The following SH3BGRL variants were observed in gnomAD, a reference collection of about 807,000 sequenced individuals.
SH3BGRL encodes SH3 domain binding glutamate rich protein like, also known as adapter SH3BGRL.
Under a neutral mutation model 9.8 loss-of-function variants are expected in SH3BGRL, and 7 were observed. The ratio of observed to expected loss-of-function variants is 0.72; its 90% CI spans 0.41 to 1.35. The LOEUF is 1.35. Ranked by LOEUF, SH3BGRL falls within the 40% of genes most tolerant of loss-of-function variation. The pLI is 0.01. For synonymous variants in SH3BGRL, 36 were observed against 29.1 expected, an observed-to-expected ratio of 1.24 and a Z score of -0.76; for missense variants, 73 against 84.4, an observed-to-expected ratio of 0.86 and a Z score of 0.53.
chrX:81,284,087 C>G (rs2075826662), intron 3 of SH3BGRL, among the ~76,000 whole-genome samples: 1 of 109,077 alleles, frequency 9.2e-6, no homozygotes, highest in Admixed American at 9.8e-5. Context: ...AAAAAAAACC[C>G]ACTTAGGAAT....
chrX:81,288,298 A>G (rs772927127), intron 3 of SH3BGRL, among the ~76,000 whole-genome samples: 55 of 112,235 alleles, frequency 4.9e-4, no homozygotes, highest in Non-Finnish European at 9.2e-4. Flanking sequence ...TCAACACAAT[A>G]AAAGCCATAT....
intron 3 of SH3BGRL, among the ~76,000 whole-genome samples, chrX:81,286,779 GGAGGAA>G (rs1569370999): frequency 9.0e-6 from 1 of 111,194 alleles, no homozygotes; most frequent in African/African-American, 3.3e-5. Flanking sequence ...TTGGGAATAC[GGAGGAA>G]GAGAACATTA....
intron 1 of SH3BGRL, among the ~76,000 whole-genome samples, chrX:81,220,628 TG>T (rs1308379450): frequency 1.8e-5 from 2 of 110,432 alleles, no homozygotes; most frequent in East Asian, 2.8e-4. Context: ...ATTTTTGATC[TG>T]CCCTTATTTA....
chrX:81,234,208 C>G (rs1002547587), intron 1 of SH3BGRL, among the ~76,000 whole-genome samples: 3 of 111,344 alleles, frequency 2.7e-5, no homozygotes, highest in Admixed American at 9.5e-5. Context: ...AAAGTAGATT[C>G]CAATTACAAA....
intron 3 of SH3BGRL, among the ~76,000 whole-genome samples, chrX:81,283,496 A>G (rs904550026): frequency 7.1e-5 from 8 of 112,105 alleles, no homozygotes; most frequent in Non-Finnish European, 1.5e-4. Context: ...CATACCAGGG[A>G]TGCAGGGATG....
intron 3 of SH3BGRL, among the ~76,000 whole-genome samples, chrX:81,286,574 A>G (rs1029339683): frequency 1.1e-4 from 12 of 108,388 alleles, no homozygotes; most frequent in African/African-American, 3.7e-4. Context: ...TGGGCCAAAC[A>G]CTGAGATAGG....
intron 1 of SH3BGRL, among the ~76,000 whole-genome samples, chrX:81,264,574 TC>T (rs1416764245): frequency 9.0e-6 from 1 of 111,634 alleles, no homozygotes; most frequent in Non-Finnish European, 1.9e-5. Flanking sequence ...GGGAGGCTTT[TC>T]CTATTCCTTT....
chrX:81,206,521 T>C (rs1458271557), intron 1 of SH3BGRL, among the ~76,000 whole-genome samples: 1 of 111,318 alleles, frequency 9.0e-6, no homozygotes, highest in Non-Finnish European at 1.9e-5. Context: ...GATGTTTGAA[T>C]CCAAAGAATA....
intron 1 of SH3BGRL, among the ~76,000 whole-genome samples, chrX:81,219,219 A>C (rs1230725697): frequency 9.1e-6 from 1 of 110,021 alleles, no homozygotes; most frequent in Non-Finnish European, 1.9e-5. Flanking sequence ...AGGCAAAAGC[A>C]TCAGGTAACT....
chrX:81,297,142 G>T (rs1244840274), intron 3 of SH3BGRL, 53 bp from the exon 4 acceptor site: 43 of 1,068,389 alleles, frequency 4.0e-5, no homozygotes, highest in Non-Finnish European at 5.1e-5. Flanking sequence ...ATACACATGG[G>T]TGTCTGCTCT....
At chrX:81,222,368 T>C (rs1197560776) in intron 1 of SH3BGRL, among the ~76,000 whole-genome samples, 1 of 86,492 alleles carries the variant, frequency 1.2e-5, no homozygotes, top group Non-Finnish European at 2.1e-5. Flanking sequence ...TTCCCCTTCC[T>C]GTGTCCATGT....
chrX:81,290,883 A>G (rs2075855811), intron 3 of SH3BGRL, among the ~76,000 whole-genome samples: 1 of 111,382 alleles, frequency 9.0e-6, no homozygotes, highest in South Asian at 3.8e-4. Flanking sequence ...AAAATAAAAA[A>G]AAGAACAAAA....
At chrX:81,234,052 A>G (rs6524053) in intron 1 of SH3BGRL, among the ~76,000 whole-genome samples, 26,248 of 110,389 alleles carry the variant, frequency 0.24, 2,558 homozygotes, top group East Asian at 0.78. Context: ...GTCTTTCATT[A>G]ATTTACTATT....
intron 1 of SH3BGRL, among the ~76,000 whole-genome samples, chrX:81,206,050 A>T (rs770151000): frequency 9.8e-5 from 11 of 111,777 alleles, no homozygotes; most frequent in African/African-American, 3.6e-4. Context: ...ATTTAAAAAA[A>T]TTGGATTATT....
chrX:81,249,255 T>G (rs186132457), intron 1 of SH3BGRL, among the ~76,000 whole-genome samples: 80 of 112,828 alleles, frequency 7.1e-4, no homozygotes, highest in Non-Finnish European at 1.4e-3. Context: ...TCTTAATTCT[T>G]AATCTTTCCC....
chrX:81,260,563 A>AT (rs780332700), intron 1 of SH3BGRL, among the ~76,000 whole-genome samples: 11 of 110,929 alleles, frequency 9.9e-5, no homozygotes, highest in South Asian at 7.6e-4. Context: ...AGCACACTCT[A>AT]AAGTGGGGTC....
chrX:81,272,738 A>G (rs924770065), intron 1 of SH3BGRL, among the ~76,000 whole-genome samples: 1 of 110,254 alleles, frequency 9.1e-6, no homozygotes, highest in East Asian at 2.9e-4. Context: ...TGACCTCGTT[A>G]TCCGCCCGCC....
At chrX:81,293,895 G>A (rs2075866087) in intron 3 of SH3BGRL, among the ~76,000 whole-genome samples, 1 of 111,895 alleles carries the variant, frequency 8.9e-6, no homozygotes, top group African/African-American at 3.3e-5. Flanking sequence ...GGGAACTGGA[G>A]CAAGGTGATT....
chrX:81,272,538 C>T (rs1191754979), intron 1 of SH3BGRL, among the ~76,000 whole-genome samples: 1 of 100,929 alleles, frequency 9.9e-6, no homozygotes, highest in African/African-American at 3.7e-5. Context: ...TCTCGTTCTG[C>T]CGCCCAGGCT....
Sources: allele counts gnomAD v4.1 joint callset (sites outside exome capture counted in the v4.1 genomes callset), GRCh38; gene constraint gnomAD v4.1.1; transcripts MANE v1.5; gene names NCBI Gene and HGNC (gene_info 2026-07-23, HGNC 2026-07-21).